TREM1: variants seen among roughly 807,000 people sequenced by gnomAD.
TREM1 encodes triggering receptor expressed on monocytes 1.
Under a neutral mutation model 22.4 loss-of-function variants are expected in TREM1, and 16 were observed. The observed-to-expected ratio is 0.71, with a 90% CI of 0.48 to 1.08. TREM1 has a LOEUF of 1.08. Ranked by LOEUF, TREM1 falls within the 50% of genes least tolerant of loss-of-function variation. The probability of loss-of-function intolerance (pLI) is 0.00; values close to 1 mark genes in which losing one functional copy is unlikely to be tolerated. For synonymous variants in TREM1, 110 were observed against 111.6 expected, an observed-to-expected ratio of 0.99 and a Z score of 0.09; for missense variants, 283 against 282.9, an observed-to-expected ratio of 1.00 and a Z score of 0.00.
chr6:41,282,663 CT>C lies in TREM1; in HGVS notation c.137del (p.Glu46GlyfsTer12). On this transcript the variant is annotated frameshift_variant, in exon 2 of 4. Transcript: ENST00000244709. LOFTEE classifies it high-confidence loss of function. ...TLDVKCDYTL[E>X]KFASSQKAWQ... ...AAGCTTTCTGGCTGCTGGCAAACTT[CT>C]CTAGCGTGTAGTCACATTTCACATC... 1 of 1,614,196 alleles carries C rather than the reference CT, an allele frequency of 6.2e-7. No homozygotes were observed. The highest frequency in any genetic ancestry group is 8.5e-7 in the Non-Finnish European group (1 of 1,180,030).
rs746990105 is a variant in TREM1 at position 41,286,619 on chromosome 6, G to T, written c.37C>A (p.Leu13Ile). 2 of 1,613,952 alleles carry T rather than the reference G, an allele frequency of 1.2e-6. No homozygotes were observed. Among genetic ancestry groups the T allele is most frequent in the Non-Finnish European group, 1.7e-6 (2 of 1,179,966 alleles). The change falls in exon 1 of 4, where the codon CTC becomes ATC. Residue 13 changes from leucine (L) to isoleucine (I), a missense_variant. Coordinates refer to ENST00000244709, the MANE Select transcript of TREM1 (RefSeq NM_018643.5). ...TTCCTTGTCTTACCTGAGACAAAGA[G>T]CATCCACAGCAGCCCCCAGAGCCTG... is the stretch of plus-strand genomic sequence containing the variant. Reference protein sequence around the residue: ...KTRLWGLLWMLFVSELRAATK... With the variant: ...KTRLWGLLWMIFVSELRAATK...
intron 3 of TREM1, chr6:41,280,676 C>T: frequency 2.1e-5 from 30 of 1,412,220 alleles, no homozygotes; most frequent in Non-Finnish European, 2.7e-5. Flanking sequence ...GTTGGATGAG[C>T]TCCACTGGAA....
chr6:41,282,648 G>A lies in TREM1; in HGVS notation c.153C>T (p.Ser51=), dbSNP rs1767983574. Residue 51 remains serine, a synonymous_variant, in exon 2 of 4, where the codon AGC becomes AGT. Transcript: ENST00000244709. The stretch of plus-strand genomic sequence containing the variant: ...CCCTTATTATCTGCCAAGCTTTCTG[G>A]CTGCTGGCAAACTTCTCTAGCGTGT... The part of the protein sequence containing the change: ...CDYTLEKFAS[S]QKAWQIIRDG... 3.1e-6 allele frequency: 5 copies of A among 1,614,152 alleles called. No individual in the cohort carries two copies. In the East Asian group the frequency reaches 8.9e-5, roughly 29 times the overall value.
Position 41,273,697 on chromosome 6 carries a change from G to A in TREM1, c.*2428C>T, listed in dbSNP as rs1046356418. 6.6e-6 allele frequency among the ~76,000 whole-genome samples: 1 copy of A among 152,220 alleles called. No homozygotes were observed. The highest frequency in any genetic ancestry group is 1.5e-5 in the Non-Finnish European group (1 of 68,040). On this transcript the variant is annotated 3_prime_UTR_variant, in exon 4 of 4. Transcript: ENST00000244709. The stretch of plus-strand genomic sequence containing the variant: ...TCAGTATGCTGAGGCTGGCAATAGT[G>A]GTGGGTCATTCCCACTGCTGGGCCT...
rs890953326 is a variant in TREM1 at position 41,286,492 on chromosome 6, A to G, written c.49+115T>C. 2.9e-6 allele frequency: 3 copies of G among 1,038,974 alleles called. No individual in the cohort carries two copies. In the African/African-American group the frequency reaches 4.8e-5, roughly 17 times the overall value. 64.4% of individuals were successfully genotyped at this position (1,038,974 alleles called of 1,614,324 possible). A position where few individuals can be genotyped will look rare whatever the true frequency, so the allele number is the denominator to read the frequency against. On this transcript the variant is annotated intron_variant, in intron 1 of 3. Coordinates refer to ENST00000244709, the MANE Select transcript of TREM1 (RefSeq NM_018643.5). ...TGGGTAGAGCAGCACGGTCTGCCAT[A>G]ACTACTGGTTGGCTCTATCTTGGAT...
At chr6:41,282,316 C>G in intron 2 of TREM1, 79 bp downstream of exon 2, 1 of 1,158,022 alleles carries the variant, frequency 8.6e-7, no homozygotes, top group South Asian at 1.4e-5. Flanking sequence ...GAATCCTGAA[C>G]CCCAGCTCTG....
downstream of TREM1, chr6:41,270,192 C>G (rs1767438948): frequency 6.6e-6 from 1 of 152,226 alleles, no homozygotes; most frequent in African/African-American, 2.4e-5. Context: ...CTAGCAGGCA[C>G]ATTTGCTCCT....
chr6:41,272,022 G>C (rs1048429873), downstream of TREM1, among the ~76,000 whole-genome samples: 3 of 152,202 alleles, frequency 2.0e-5, no homozygotes, highest in African/African-American at 7.2e-5. Context: ...CTGCCGGCTG[G>C]CCCAGGGCCT....
At chr6:41,279,740 C>T (rs904109774) in intron 3 of TREM1, 5 of 985,260 alleles carry the variant, frequency 5.1e-6, no homozygotes, top group South Asian at 4.7e-5. Flanking sequence ...AGACTAAATC[C>T]GTGTCTGTAA....
intron 3 of TREM1, chr6:41,279,826 G>A (rs1767833365): frequency 2.0e-6 from 2 of 985,224 alleles, no homozygotes. Flanking sequence ...GAAGACCATT[G>A]GTAGATGCTA....
intron 2 of TREM1, chr6:41,281,591 G>A (rs188292911): frequency 5.5e-6 from 1 of 182,612 alleles, no homozygotes; most frequent in African/African-American, 2.4e-5. Context: ...TGCTTTAAAA[G>A]TTATCTTTTA....
intron 3 of TREM1, 87 bp downstream of exon 3, chr6:41,280,874 C>A (rs1767878323): frequency 6.3e-7 from 1 of 1,598,598 alleles, no homozygotes; most frequent in African/African-American, 1.3e-5. Flanking sequence ...CTCCCCTTTC[C>A]CTCACTTTCA....
At chr6:41,270,926 G>A (rs1311417110), downstream of TREM1, among the ~76,000 whole-genome samples, 2 of 152,104 alleles carry the variant, frequency 1.3e-5, no homozygotes, top group African/African-American at 4.8e-5. Flanking sequence ...GACTGGTCTC[G>A]AACTCCTGGG....
intron 3 of TREM1, chr6:41,280,365 CTCA>C: frequency 1.0e-6 from 1 of 987,578 alleles, no homozygotes; most frequent in Non-Finnish European, 1.2e-6. Context: ...TGAGAGGGAC[CTCA>C]TCTGCAAAAA....
chr6:41,279,682 T>C lies in TREM1; in HGVS notation c.599+1279A>G. On this transcript the variant is annotated intron_variant, in intron 3 of 3. Transcript: ENST00000244709. ...AATTAGAGCAGGCACCAGTTCACAT[T>C]TGTTTTAGCAGGAATGTGATTTAAC... The C allele has an allele frequency of 4.1e-6, 4 of 985,452 alleles. No individual in the cohort carries two copies. In the East Asian group the frequency reaches 4.5e-4, roughly 112 times the overall value. The allele number at this position is 985,452 out of a possible 1,614,324, so 61.0% of individuals were successfully genotyped here. A position where few individuals can be genotyped will look rare whatever the true frequency, so the allele number is the denominator to read the frequency against.
intron 1 of TREM1, among the ~76,000 whole-genome samples, chr6:41,285,841 T>A (rs1473052281): frequency 6.6e-6 from 1 of 152,228 alleles, no homozygotes. Flanking sequence ...TGTCCATGAC[T>A]TTGCTCAAAG....
chr6:41,277,681 T>C (rs989978576), intron 3 of TREM1, among the ~76,000 whole-genome samples: 9 of 152,180 alleles, frequency 5.9e-5, no homozygotes, highest in Non-Finnish European at 1.3e-4. Context: ...CAGGAATTCA[T>C]GTGCTTGGCC....
intron 3 of TREM1, among the ~76,000 whole-genome samples, chr6:41,278,491 G>C (rs1334715547): frequency 6.6e-6 from 1 of 151,612 alleles, no homozygotes; most frequent in Non-Finnish European, 1.5e-5. Flanking sequence ...GCAACACAGG[G>C]AGACCCCCAT....
intron 3 of TREM1, among the ~76,000 whole-genome samples, chr6:41,276,485 C>G (rs1447661582): frequency 6.6e-6 from 1 of 152,146 alleles, no homozygotes; most frequent in African/African-American, 2.4e-5. Flanking sequence ...TCAGCCCATC[C>G]TCCTCCCTGT....
Sources: gnomAD v4.1 joint callset for allele counts (sites outside exome capture counted in the v4.1 genomes callset) on GRCh38, gnomAD v4.1.1 for gene constraint, MANE v1.5 for transcripts, NCBI Gene and HGNC (gene_info 2026-07-23, HGNC 2026-07-21) for gene names.